The following ABHD12 variants were observed in gnomAD, a reference collection of about 807,000 sequenced individuals.
The protein encoded by ABHD12 is lysophosphatidylserine lipase ABHD12.
A neutral mutation model predicts 58.3 loss-of-function variants in ABHD12; 43 were observed. The ratio of observed to expected loss-of-function variants is 0.74; its 90% CI spans 0.58 to 0.95. The LOEUF (loss-of-function observed/expected upper bound fraction) is 0.95, where lower values mean the gene tolerates loss of function less well. ABHD12 is among the 40% of genes least tolerant of loss of function. The pLI is 0.00. For synonymous variants in ABHD12, 219 were observed against 211.2 expected (o/e 1.04, Z -0.32); for missense variants, 539 against 537.2 (o/e 1.00, Z -0.03).
chr20:25,296,940 C>T (rs927928227), downstream of ABHD12: 1 of 172,158 alleles, frequency 5.8e-6, no homozygotes, highest in Non-Finnish European at 1.2e-5. Context: ...ATGAGTGTTA[C>T]TGCAGCATCT....
At chr20:25,343,920 T>G (rs1251583635) in intron 1 of ABHD12, among the ~76,000 whole-genome samples, 1 of 152,236 alleles carries the variant, frequency 6.6e-6, no homozygotes, top group East Asian at 1.9e-4. Flanking sequence ...AATTATACAC[T>G]ACGGCCAAGT....
At chr20:25,389,582 G>GGAAACCAGCAGATGGGAGGA (rs1467234714) in intron 1 of ABHD12, among the ~76,000 whole-genome samples, 1 of 152,176 alleles carries the variant, frequency 6.6e-6, no homozygotes, top group East Asian at 1.9e-4. Flanking sequence ...CAGATAATTA[G>GGAAACCAGCAGATGGGAGGA]GAAACCAGCA....
At chr20:25,363,820 G>A (rs919667856) in intron 1 of ABHD12, among the ~76,000 whole-genome samples, 3 of 152,024 alleles carry the variant, frequency 2.0e-5, no homozygotes, top group Non-Finnish European at 4.4e-5. Flanking sequence ...AGTTGAGATT[G>A]CGCCATTGCA....
downstream of ABHD12, chr20:25,296,516 G>T: frequency 6.2e-7 from 1 of 1,612,888 alleles, no homozygotes; most frequent in Non-Finnish European, 8.5e-7. Context: ...ACATCCCCCG[G>T]GACTAGGCAC....
intron 2 of ABHD12, chr20:25,338,816 A>G (rs1008161127): frequency 2.0e-6 from 2 of 1,012,360 alleles, no homozygotes; most frequent in African/African-American, 3.5e-5. Flanking sequence ...CCTGGAATGC[A>G]CAACTGACAA....
chr20:25,313,253 C>T (rs1311988669), intron 6 of ABHD12, among the ~76,000 whole-genome samples: 1 of 152,248 alleles, frequency 6.6e-6, no homozygotes, highest in African/African-American at 2.4e-5. Context: ...AATTCTTCTG[C>T]CTTGGGATGC....
intron 1 of ABHD12, among the ~76,000 whole-genome samples, chr20:25,360,786 C>A (rs1401990509): frequency 6.6e-6 from 1 of 152,158 alleles, no homozygotes; most frequent in Non-Finnish European, 1.5e-5. Flanking sequence ...GCACCAGGTA[C>A]CCGTGGCGGG....
chr20:25,389,760 A>C (rs1331146079), intron 1 of ABHD12, among the ~76,000 whole-genome samples: 1 of 152,206 alleles, frequency 6.6e-6, no homozygotes, highest in East Asian at 1.9e-4. Flanking sequence ...ACTTGTGCGG[A>C]CAGATTTCAA....
At chr20:25,377,951 C>G (rs932846158) in intron 1 of ABHD12, among the ~76,000 whole-genome samples, 1 of 152,242 alleles carries the variant, frequency 6.6e-6, no homozygotes, top group Non-Finnish European at 1.5e-5. Context: ...CCACCTCAGC[C>G]TCCCAAAGTG....
chr20:25,347,854 A>C (rs1000707928), intron 1 of ABHD12, among the ~76,000 whole-genome samples: 9 of 151,752 alleles, frequency 5.9e-5, no homozygotes, highest in Non-Finnish European at 1.5e-5. Context: ...AAAAATAAAA[A>C]TGTTTTCATG....
intron 1 of ABHD12, among the ~76,000 whole-genome samples, chr20:25,343,147 C>T (rs1174681093): frequency 6.6e-6 from 1 of 152,102 alleles, no homozygotes; most frequent in Non-Finnish European, 1.5e-5. Flanking sequence ...CAAAACCTGC[C>T]AAAACTCACG....
chr20:25,302,428 C>T (rs942963737), intron 11 of ABHD12, 82 bp from the exon 12 acceptor site: 2 of 1,572,840 alleles, frequency 1.3e-6, no homozygotes, highest in Non-Finnish European at 1.7e-6. Context: ...GGCAGCCTCC[C>T]CTTCAATAGA....
chr20:25,385,331 C>CAAA (rs11477490), intron 1 of ABHD12, among the ~76,000 whole-genome samples: 132 of 51,712 alleles, frequency 2.6e-3, no homozygotes, highest in African/African-American at 7.8e-3. Context: ...GAGTGAGACT[C>CAAA]AAAAAAAAAA....
chr20:25,308,312 G>C, intron 8 of ABHD12, 145 bp downstream of exon 8: 2 of 1,024,808 alleles, frequency 2.0e-6, no homozygotes, highest in South Asian at 2.7e-5. Flanking sequence ...GGTGTATCAT[G>C]GGAAGGGTGG....
intron 1 of ABHD12, among the ~76,000 whole-genome samples, chr20:25,369,557 G>A (rs1252747833): frequency 6.6e-6 from 1 of 152,106 alleles, no homozygotes; most frequent in African/African-American, 2.4e-5. Flanking sequence ...GAAGGATCAC[G>A]TACCTGCTCT....
chr20:25,351,182 C>G (rs1002177340), intron 1 of ABHD12, among the ~76,000 whole-genome samples: 1 of 152,072 alleles, frequency 6.6e-6, no homozygotes, highest in African/African-American at 2.4e-5. Context: ...TTTTTTTCTT[C>G]CCAACAGTGA....
rs761933589 is a variant in ABHD12, at chr20:25,303,583, G to C, written c.996C>G (p.Asp332Glu). 1 of 1,613,854 alleles carries C rather than the reference G, an allele frequency of 6.2e-7. No homozygotes were observed. The highest frequency in any genetic ancestry group is 2.2e-5 in the East Asian group (1 of 44,880). The change falls in exon 11 of 13, where the codon GAC becomes GAG. Residue 332 changes from aspartate (D) to glutamate (E), a missense_variant. By Grantham distance (45) the Asp-to-Glu change is conservative. Coordinates refer to ENST00000339157, the MANE Select transcript of ABHD12 (RefSeq NM_001042472.3). ...CAAGCTGGAAGGGCACCACCGGGTC[G>C]TCCTCAGCGTGCAGGATGAGCAGGG... ...SCPLLILHAE[D>E]DPVVPFQLGR... is the part of the protein sequence containing the mutation.
chr20:25,369,927 T>TTAAAA (rs371432921), intron 1 of ABHD12, among the ~76,000 whole-genome samples: 1 of 91,440 alleles, frequency 1.1e-5, no homozygotes, highest in African/African-American at 4.3e-5. Context: ...GTCTCTGTTA[T>TTAAAA]AAAAAAAAAA....
intron 3 of ABHD12, among the ~76,000 whole-genome samples, chr20:25,322,381 A>ATATATATATATATATATATAT: frequency 6.4e-4 from 38 of 59,266 alleles, no homozygotes; most frequent in African/African-American, 2.9e-3. Flanking sequence ...ATATATATAT[A>ATATATATATATATATATATAT]TTTTTTTTTT....
Sources: allele counts gnomAD v4.1 joint callset (sites outside exome capture counted in the v4.1 genomes callset), GRCh38; gene constraint gnomAD v4.1.1; transcripts MANE v1.5; gene names NCBI Gene and HGNC (gene_info 2026-07-23, HGNC 2026-07-21).